PFKM: variants seen among roughly 807,000 people sequenced by gnomAD.
The protein encoded by PFKM is ATP-dependent 6-phosphofructokinase, muscle type.
A neutral mutation model predicts 95.5 loss-of-function variants in PFKM; 58 were observed. The ratio of observed to expected loss-of-function variants is 0.61; its 90% CI spans 0.49 to 0.76. The LOEUF is 0.76. Ranked by LOEUF, PFKM falls within the 30% of genes least tolerant of loss-of-function variation. The pLI is 0.00. For synonymous variants in PFKM, 336 were observed against 357.2 expected (o/e 0.94, Z 0.67); for missense variants, 678 against 1,005.4 (o/e 0.67, Z 4.40).
intron 2 of PFKM, among the ~76,000 whole-genome samples, chr12:48,123,131 C>A (rs918551864): frequency 6.6e-6 from 1 of 152,110 alleles, no homozygotes; most frequent in Non-Finnish European, 1.5e-5. Flanking sequence ...TTTTCTCAAG[C>A]AGCATTGGAA....
At chr12:48,132,639 G>A (rs968995931) in intron 4 of PFKM, among the ~76,000 whole-genome samples, 4 of 152,188 alleles carry the variant, frequency 2.6e-5, no homozygotes, top group Non-Finnish European at 4.4e-5. Context: ...TCAATGAAAG[G>A]AGTTCTTAGC....
upstream of PFKM, among the ~76,000 whole-genome samples, chr12:48,115,188 G>A (rs1238652426): frequency 2.0e-4 from 31 of 152,162 alleles, no homozygotes; most frequent in Admixed American, 1.9e-3. Context: ...AATCAGAGAG[G>A]CATCCCCACG....
In PFKM at chr12:48,142,818, A is replaced by C; in HGVS notation, c.1690A>C (p.Lys564Gln). The C allele has an allele frequency of 6.2e-7, 1 of 1,614,140 alleles. No individual in the cohort carries two copies. Among genetic ancestry groups the C allele is most frequent in the Non-Finnish European group, 8.5e-7 (1 of 1,180,006 alleles). The change falls in exon 18 of 23, where the codon AAG becomes CAG. Residue 564 changes from lysine (K) to glutamine (Q), a missense_variant. Transcript: ENST00000359794. ...DRIKQSAAGT[K>Q]RRVFIIETMG... ...CATCAAGCAGTCAGCAGCTGGCACCAAGCGTCGGGTGTTTATCATTGAGAC... is the reference window on the plus strand; with the variant it reads ...CATCAAGCAGTCAGCAGCTGGCACCCAGCGTCGGGTGTTTATCATTGAGAC...
In PFKM at chr12:48,134,294, A is replaced by C; in HGVS notation, c.638+18A>C. On this transcript the variant is annotated intron_variant, in intron 7 of 22. Coordinates refer to ENST00000359794, the MANE Select transcript of PFKM (RefSeq NM_000289.6). ...CACTGTGGGTAAGATCCTCATTCTG[A>C]CCCATTTATTCCGTGGACCTAGCGA... The C allele has an allele frequency of 4.4e-6, 7 of 1,609,114 alleles. No homozygotes were observed. The highest frequency in any genetic ancestry group is 6.0e-6 in the Non-Finnish European group (7 of 1,175,484).
chr12:48,133,598 TG>T, intron 6 of PFKM, 118 bp downstream of exon 6: 1 of 892,754 alleles, frequency 1.1e-6, no homozygotes, highest in South Asian at 1.4e-5. Context: ...GCCAGTTTTC[TG>T]GGGCTAGAAC....
Position 48,145,181 on chromosome 12 carries a change from A to G in PFKM, c.2093-29A>G. On this transcript the variant is annotated intron_variant, in intron 21 of 22. Transcript: ENST00000359794. The surrounding 1 kb of genome is among the most constrained non-coding windows in gnomAD (Gnocchi z 4.3). ...TCTATAGAGGCTGGTTCCCCAGTAT[A>G]GAAGCTGACTGCCCATCCCTCATTG... 2 of 1,612,480 alleles carry G rather than the reference A, an allele frequency of 1.2e-6. No individual in the cohort carries two copies. The highest frequency in any genetic ancestry group is 1.7e-6 in the Non-Finnish European group (2 of 1,178,452).
At chr12:48,118,841 A>G (rs903917394), upstream of PFKM, among the ~76,000 whole-genome samples, 2 of 152,170 alleles carry the variant, frequency 1.3e-5, no homozygotes, top group African/African-American at 2.4e-5. Context: ...AGGCTATTCT[A>G]TAGAAGATGT....
Position 48,122,904 on chromosome 12 carries a change from AT to A in PFKM, c.85+48del, listed in dbSNP as rs757709488. On this transcript the variant is annotated intron_variant, in intron 2 of 22. Coordinates refer to ENST00000359794, the MANE Select transcript of PFKM (RefSeq NM_000289.6). ...AAACATGGCTGGTGGGACTTTTGGA[AT>A]TTACTGACTCCCTTAGCCTATACAA... 27 of 1,533,248 alleles carry A rather than the reference AT, an allele frequency of 1.8e-5. No homozygotes were observed. In the Admixed American group the frequency reaches 4.3e-4, roughly 25 times the overall value. 95.0% of individuals were successfully genotyped at this position (1,533,248 alleles called of 1,614,324 possible). A position where few individuals can be genotyped will look rare whatever the true frequency, so the allele number is the denominator to read the frequency against.
intron 5 of PFKM, 55 bp downstream of exon 5, chr12:48,133,112 T>TAC: frequency 6.7e-7 from 1 of 1,503,202 alleles, no homozygotes; most frequent in Non-Finnish European, 9.3e-7. Context: ...TGCACGCGTG[T>TAC]ACACACACAC....
Position 48,145,591 on chromosome 12 carries a change from G to T in PFKM, c.2226G>T (p.Trp742Cys). 3.1e-6 allele frequency: 5 copies of T among 1,614,052 alleles called. No homozygotes were observed. The highest frequency in any genetic ancestry group is 4.2e-6 in the Non-Finnish European group (5 of 1,179,998). The change falls in exon 23 of 23, where the codon TGG (tryptophan) becomes TGT (cysteine). Residue 742 changes from tryptophan to cysteine, a missense_variant. Transcript: ENST00000359794. This position sits in a 1 kb window ranked among gnomAD's most constrained non-coding sequence, Gnocchi z 4.3. Reference protein sequence around the residue: ...FEHRIPKEQWWLKLRPILKIL... With the variant: ...FEHRIPKEQWCLKLRPILKIL... The stretch of plus-strand genomic sequence containing the variant: ...ATCGAATCCCCAAGGAACAGTGGTG[G>T]CTGAAACTGAGGCCCATCCTCAAAA...
chr12:48,109,574 A>G (rs893349721), intron 3 of PFKM, among the ~76,000 whole-genome samples: 2 of 152,008 alleles, frequency 1.3e-5, no homozygotes, highest in African/African-American at 4.8e-5. Flanking sequence ...GGTGTACCTA[A>G]AACTCACCTC....
intron 10 of PFKM, among the ~76,000 whole-genome samples, chr12:48,135,666 G>C (rs1046446549): frequency 2.0e-5 from 3 of 152,076 alleles, no homozygotes; most frequent in African/African-American, 7.2e-5. Flanking sequence ...GATAATTGTA[G>C]ATTCACATGC....
upstream of PFKM, among the ~76,000 whole-genome samples, chr12:48,116,974 A>G (rs1260837318): frequency 6.6e-6 from 1 of 152,202 alleles, no homozygotes; most frequent in African/African-American, 2.4e-5. Flanking sequence ...ATAGCATCAT[A>G]CCGAATCATT....
At chr12:48,134,668 A>G in intron 7 of PFKM, 53 bp from the exon 8 acceptor site, 1 of 1,221,966 alleles carries the variant, frequency 8.2e-7, no homozygotes, top group Non-Finnish European at 1.2e-6. Flanking sequence ...GGTATGGGTG[A>G]GGCTATTTGT....
At position 48,134,570 on chromosome 12, in the gene PFKM, G is replaced by A. The variant is rs570813192; in HGVS notation, c.639-151G>A. 6.6e-5 allele frequency: 48 copies of A among 731,712 alleles called. 2 individuals are homozygous for A. The South Asian group carries it at 7.1e-4, about 11-fold the overall frequency. 45.3% of individuals were successfully genotyped at this position (731,712 alleles called of 1,614,324 possible). ...CCGTTAGAGACAGAATCTCATTGAG[G>A]GGCCCCGGTGCTCTTACCCTTGCCC... On this transcript the variant is annotated intron_variant, in intron 7 of 22. Coordinates refer to ENST00000359794, the MANE Select transcript of PFKM (RefSeq NM_000289.6).
At chr12:48,121,600 G>T (rs375853185) in intron 1 of PFKM, among the ~76,000 whole-genome samples, 1 of 152,142 alleles carries the variant, frequency 6.6e-6, no homozygotes, top group African/African-American at 2.4e-5. Flanking sequence ...CAAGCTGCCC[G>T]TAAAACTTGG....
At chr12:48,111,392 C>T (rs1338415628) in intron 3 of PFKM, among the ~76,000 whole-genome samples, 5 of 152,202 alleles carry the variant, frequency 3.3e-5, no homozygotes, top group Admixed American at 3.3e-4. Flanking sequence ...ATTAAAGAGG[C>T]ATTAATGATG....
chr12:48,124,721 T>C (rs557002419), intron 2 of PFKM, among the ~76,000 whole-genome samples: 1 of 152,198 alleles, frequency 6.6e-6, no homozygotes, highest in African/African-American at 2.4e-5. Flanking sequence ...GCCAGGGAAA[T>C]AGCCCACCTG....
chr12:48,141,735 A>G lies in PFKM; in HGVS notation c.1413-5A>G. 1.2e-6 allele frequency: 2 copies of G among 1,604,162 alleles called. No individual in the cohort carries two copies. Among genetic ancestry groups the G allele is most frequent in the Non-Finnish European group, 1.7e-6 (2 of 1,170,940 alleles). ...TTCCCCTCCCCGCCATCACTGATCAACTAGGACTCTACCCAAGAAGAGCTT... is the reference window on the plus strand; with the variant it reads ...TTCCCCTCCCCGCCATCACTGATCAGCTAGGACTCTACCCAAGAAGAGCTT... On this transcript the variant is annotated splice_polypyrimidine_tract_variant and splice_region_variant and intron_variant, in intron 15 of 22. Coordinates refer to ENST00000359794, the MANE Select transcript of PFKM (RefSeq NM_000289.6).
Sources: gnomAD v4.1 joint callset for allele counts (sites outside exome capture counted in the v4.1 genomes callset) on GRCh38, gnomAD v4.1.1 for gene constraint, Gnocchi (gnomAD v3.1) non-coding constraint, MANE v1.5 for transcripts, NCBI Gene and HGNC (gene_info 2026-07-23, HGNC 2026-07-21) for gene names.